The following EPB41L5 variants were observed in gnomAD, a reference collection of about 807,000 sequenced individuals.
EPB41L5 encodes the protein erythrocyte membrane protein band 4.1 like 5.
A neutral mutation model predicts 106.6 loss-of-function variants in EPB41L5; 55 were observed. The ratio of observed to expected loss-of-function variants is 0.52; its 90% CI spans 0.42 to 0.65. The LOEUF is 0.65. EPB41L5 is among the 30% of genes least tolerant of loss of function. EPB41L5 has a pLI of 0.00. For missense variants in EPB41L5, 871 were observed against 882.1 expected, an observed-to-expected ratio of 0.99 and a Z score of 0.16; for synonymous variants, 297 against 306.7, an observed-to-expected ratio of 0.97 and a Z score of 0.33.
At chr2:120,137,021 A>G (rs1184141934) in intron 18 of EPB41L5, among the ~76,000 whole-genome samples, 1 of 152,110 alleles carries the variant, frequency 6.6e-6, no homozygotes, top group Non-Finnish European at 1.5e-5. Flanking sequence ...CATTTCCAGT[A>G]TCTTCTCTGA....
intron 2 of EPB41L5, among the ~76,000 whole-genome samples, chr2:120,020,508 T>A (rs562373494): frequency 3.7e-4 from 57 of 152,334 alleles, no homozygotes; most frequent in African/African-American, 1.3e-3. Flanking sequence ...AGAATGTATA[T>A]TTTTAGGGTT....
intron 16 of EPB41L5, among the ~76,000 whole-genome samples, chr2:120,123,973 T>C (rs1336935958): frequency 6.6e-6 from 1 of 152,124 alleles, no homozygotes; most frequent in African/African-American, 2.4e-5. Flanking sequence ...GTTCTTTTAG[T>C]CTTTACTTTC....
chr2:120,014,545 G>T (rs1036619389), intron 1 of EPB41L5, among the ~76,000 whole-genome samples: 1 of 152,154 alleles, frequency 6.6e-6, no homozygotes, highest in Non-Finnish European at 1.5e-5. Context: ...TAAAGAAAAG[G>T]CTAAGAGTAC....
chr2:120,065,531 G>A (rs76270832), intron 3 of EPB41L5, among the ~76,000 whole-genome samples: 3 of 43,448 alleles, frequency 6.9e-5, no homozygotes, highest in African/African-American at 2.2e-4. Flanking sequence ...TTTTTTTTTT[G>A]AGATGGAGTC....
At chr2:120,055,671 TC>T (rs34984160) in intron 3 of EPB41L5, among the ~76,000 whole-genome samples, 3 of 151,968 alleles carry the variant, frequency 2.0e-5, no homozygotes, top group African/African-American at 7.2e-5. Context: ...AAGTCTCACT[TC>T]CTTGGTTAAA....
At chr2:120,127,261 A>T (rs1685494626) in intron 16 of EPB41L5, among the ~76,000 whole-genome samples, 1 of 152,190 alleles carries the variant, frequency 6.6e-6, no homozygotes, top group South Asian at 2.1e-4. Context: ...GTTGTGAGAA[A>T]TGAATAAAAC....
At chr2:120,096,671 T>C (rs1306385157) in intron 14 of EPB41L5, among the ~76,000 whole-genome samples, 1 of 152,070 alleles carries the variant, frequency 6.6e-6, no homozygotes, top group Admixed American at 6.6e-5. Context: ...GCGCCTGTAA[T>C]CCCAGCTACT....
chr2:120,028,093 C>T (rs192102127), intron 2 of EPB41L5, among the ~76,000 whole-genome samples: 6,994 of 151,994 alleles, frequency 0.046, 230 homozygotes, highest in Non-Finnish European at 0.072. Context: ...TGAACTCCTG[C>T]CCTCAGGTGA....
At chr2:120,030,666 G>C (rs1678645402) in intron 2 of EPB41L5, among the ~76,000 whole-genome samples, 1 of 152,056 alleles carries the variant, frequency 6.6e-6, no homozygotes, top group Admixed American at 6.6e-5. Context: ...TGATTCTCCT[G>C]CCTCAGCCTC....
At chr2:120,071,498 C>T (rs550832276) in intron 3 of EPB41L5, among the ~76,000 whole-genome samples, 14 of 152,052 alleles carry the variant, frequency 9.2e-5, no homozygotes, top group African/African-American at 1.4e-4. Flanking sequence ...AGAACGAAGC[C>T]GGAGGCATCA....
intron 2 of EPB41L5, among the ~76,000 whole-genome samples, chr2:120,039,495 C>T (rs1048449109): frequency 3.3e-5 from 5 of 152,046 alleles, no homozygotes; most frequent in Admixed American, 6.6e-5. Flanking sequence ...TCAGTGTACT[C>T]GAAATTCCCC....
Position 120,164,886 on chromosome 2 carries a change from A to T in EPB41L5, c.1938A>T (p.Leu646=). ...DALLASLTEN[L]IDHTVAPQVS... Reference sequence around the variant, plus strand: ...TGCTTGCATCTCTAACTGAGAATCTAATTGATCACACAGTTGCACCTCAGG... The same window carrying T: ...TGCTTGCATCTCTAACTGAGAATCTTATTGATCACACAGTTGCACCTCAGG... The change falls in exon 22 of 25, where the codon CTA becomes CTT. Residue 646 remains leucine, a synonymous_variant. Coordinates refer to ENST00000263713, the MANE Select transcript of EPB41L5 (RefSeq NM_020909.4). 6.2e-7 allele frequency: 1 copy of T among 1,611,326 alleles called. No homozygotes were observed. The highest frequency in any genetic ancestry group is 8.5e-7 in the Non-Finnish European group (1 of 1,178,766).
At chr2:120,083,936 TG>T (rs1180790202) in intron 10 of EPB41L5, among the ~76,000 whole-genome samples, 39 of 152,334 alleles carry the variant, frequency 2.6e-4, no homozygotes, top group Middle Eastern at 6.8e-3. Context: ...TGCCTTTTTT[TG>T]TTTTCCATTT....
intron 18 of EPB41L5, among the ~76,000 whole-genome samples, chr2:120,135,741 C>G (rs1339754245): frequency 6.6e-6 from 1 of 152,022 alleles, no homozygotes; most frequent in African/African-American, 2.4e-5. Context: ...ATAGTATATC[C>G]ATGTTTGAAG....
chr2:120,024,212 A>G (rs924548298), intron 2 of EPB41L5, among the ~76,000 whole-genome samples: 7 of 152,122 alleles, frequency 4.6e-5, no homozygotes, highest in South Asian at 4.1e-4. Flanking sequence ...TTCCAATACT[A>G]TGTTGAATAG....
At chr2:120,014,623 A>G (rs1002700651) in intron 1 of EPB41L5, among the ~76,000 whole-genome samples, 6 of 152,242 alleles carry the variant, frequency 3.9e-5, no homozygotes, top group Non-Finnish European at 8.8e-5. Context: ...CATTTCAACT[A>G]TAAGTCTGAA....
At chr2:120,165,096 A>C (rs1687332780) in intron 22 of EPB41L5, among the ~76,000 whole-genome samples, 186 bp downstream of exon 22, 2 of 152,348 alleles carry the variant, frequency 1.3e-5, no homozygotes, top group South Asian at 4.1e-4. Context: ...TTTGTGTATC[A>C]CTGTCTACAA....
chr2:120,081,395 GT>G (rs1407452773), intron 10 of EPB41L5, among the ~76,000 whole-genome samples: 4 of 152,098 alleles, frequency 2.6e-5, no homozygotes, highest in Non-Finnish European at 5.9e-5. Context: ...TTTTTGTCAG[GT>G]TTGTCAAAGA....
intron 19 of EPB41L5, among the ~76,000 whole-genome samples, chr2:120,144,195 C>G (rs1018494724): frequency 2.6e-5 from 4 of 152,050 alleles, no homozygotes; most frequent in Non-Finnish European, 5.9e-5. Flanking sequence ...GGTAGAGCCC[C>G]CAAGAGTAGG....
Sources: allele counts gnomAD v4.1 joint callset (sites outside exome capture counted in the v4.1 genomes callset), GRCh38; gene constraint gnomAD v4.1.1; transcripts MANE v1.5; gene names NCBI Gene and HGNC (gene_info 2026-07-23, HGNC 2026-07-21).